PTPRT: variants seen among roughly 807,000 people sequenced by gnomAD.
PTPRT encodes the protein protein tyrosine phosphatase receptor type T, also known as receptor-type tyrosine-protein phosphatase T.
In PTPRT, 56 loss-of-function variants were observed where a neutral mutation model predicts 176.8. The ratio of observed to expected loss-of-function variants is 0.32; its 90% CI spans 0.26 to 0.40. The LOEUF (loss-of-function observed/expected upper bound fraction) is 0.40, where lower values mean the gene tolerates loss of function less well. PTPRT is among the 10% of genes least tolerant of loss of function. PTPRT has a pLI of 1.00. For synonymous variants in PTPRT, 783 were observed against 739.0 expected (o/e 1.06, Z -0.96); for missense variants, 1,540 against 1,908.2 (o/e 0.81, Z 3.60).
chr20:42,451,805 C>T (rs1232661333), intron 8 of PTPRT, among the ~76,000 whole-genome samples: 7 of 152,196 alleles, frequency 4.6e-5, no homozygotes, highest in Admixed American at 2.6e-4. Context: ...GTTGGCATCA[C>T]AAGCCATCCT....
intron 2 of PTPRT, among the ~76,000 whole-genome samples, chr20:42,827,914 A>C (rs1226252486): frequency 6.6e-6 from 1 of 152,222 alleles, no homozygotes; most frequent in African/African-American, 2.4e-5. Flanking sequence ...TTGCTTTATA[A>C]ATTACCCAGT....
chr20:42,737,683 C>T (rs989442452), intron 6 of PTPRT, among the ~76,000 whole-genome samples: 2 of 150,978 alleles, frequency 1.3e-5, no homozygotes, highest in African/African-American at 4.9e-5. Context: ...TCAGAAGGAA[C>T]CAACCCTACT....
rs544835331 is a variant in PTPRT at position 42,654,245 on chromosome 20, A to G, written c.1153+23621T>C. ...CAAGGACATGAAGTTGGTAATTAGCACCCAGGAGGAGAAGGCTGGTAGAAA... is the reference window on the plus strand; with the variant it reads ...CAAGGACATGAAGTTGGTAATTAGCGCCCAGGAGGAGAAGGCTGGTAGAAA... On this transcript the variant is annotated intron_variant, in intron 7 of 30. Coordinates refer to ENST00000373187, the MANE Select transcript of PTPRT (RefSeq NM_007050.6). Among the ~76,000 whole-genome samples the G allele has an allele frequency of 1.1e-3, 167 of 152,300 alleles. 1 individual carries two copies. The highest frequency in any genetic ancestry group is 3.9e-3 in the African/African-American group (163 of 41,558).
At chr20:42,286,215 G>T (rs1363863777) in intron 12 of PTPRT, among the ~76,000 whole-genome samples, 3 of 151,694 alleles carry the variant, frequency 2.0e-5, no homozygotes, top group Non-Finnish European at 4.4e-5. Flanking sequence ...ATTCATTATA[G>T]AAATAGAAAG....
chr20:42,061,006 C>A, the PTPRT span, among the ~76,000 whole-genome samples: 1 of 152,142 alleles, frequency 6.6e-6, no homozygotes, highest in Non-Finnish European at 1.5e-5. Flanking sequence ...TCAGTTTCCC[C>A]AGATTTCAAA....
chr20:42,517,150 A>T (rs2072083006), intron 7 of PTPRT, among the ~76,000 whole-genome samples: 1 of 152,012 alleles, frequency 6.6e-6, no homozygotes, highest in African/African-American at 2.4e-5. Context: ...TGCCTATTAA[A>T]TCATTTGTAC....
At chr20:42,152,173 G>C (rs138807925) in intron 17 of PTPRT, among the ~76,000 whole-genome samples, 4 of 152,334 alleles carry the variant, frequency 2.6e-5, no homozygotes, top group African/African-American at 7.2e-5. Flanking sequence ...TCTTGAGACA[G>C]GTGCACCTTT....
intron 1 of PTPRT, among the ~76,000 whole-genome samples, chr20:43,025,240 G>T (rs1425435524): frequency 6.6e-6 from 1 of 152,168 alleles, no homozygotes; most frequent in Non-Finnish European, 1.5e-5. Context: ...AGTTTTACTT[G>T]GCTTGTGCAC....
At chr20:42,443,939 G>T (rs1307525945) in intron 9 of PTPRT, among the ~76,000 whole-genome samples, 1 of 152,204 alleles carries the variant, frequency 6.6e-6, no homozygotes, top group Non-Finnish European at 1.5e-5. Context: ...TTTCCAGGAT[G>T]CTTGTGTGCC....
chr20:42,582,821 C>A (rs1273493441), intron 7 of PTPRT, among the ~76,000 whole-genome samples: 1 of 152,096 alleles, frequency 6.6e-6, no homozygotes, highest in Non-Finnish European at 1.5e-5. Context: ...TTTCCCAATC[C>A]AAATTTGAGC....
intron 2 of PTPRT, among the ~76,000 whole-genome samples, chr20:42,864,606 T>C (rs2078715275): frequency 1.3e-5 from 2 of 152,174 alleles, no homozygotes; most frequent in African/African-American, 2.4e-5. Flanking sequence ...CCTTGAGCCA[T>C]AGAGAAACTT....
chr20:42,799,868 C>T (rs1000118405), intron 2 of PTPRT, among the ~76,000 whole-genome samples: 4 of 152,136 alleles, frequency 2.6e-5, no homozygotes, highest in Non-Finnish European at 4.4e-5. Context: ...GACTTTACAG[C>T]GACTTTACCT....
At position 42,844,656 on chromosome 20, in the gene PTPRT, G is replaced by A. The variant is rs562092199; in HGVS notation, c.214+41151C>T. On this transcript the variant is annotated intron_variant, in intron 2 of 30. Transcript: ENST00000373187. ...CCCCACATGACAATGGGCTAAGTGGGGCTCTCATGCTTCCCTTCTGACCCC... is the reference window on the plus strand; with the variant it reads ...CCCCACATGACAATGGGCTAAGTGGAGCTCTCATGCTTCCCTTCTGACCCC... 5.3e-5 allele frequency among the ~76,000 whole-genome samples: 8 copies of A among 152,198 alleles called. No homozygotes were observed. In the South Asian group the frequency reaches 1.7e-3, roughly 32 times the overall value.
intron 7 of PTPRT, among the ~76,000 whole-genome samples, chr20:42,624,829 G>A (rs903528434): frequency 2.6e-5 from 4 of 152,090 alleles, no homozygotes; most frequent in Non-Finnish European, 5.9e-5. Context: ...AGGGCTTGAG[G>A]CAGCCTACAA....
rs1371748056 is a variant in PTPRT at position 42,210,634 on chromosome 20, G to T, written c.2343-11246C>A. ...AGGAGAACTACAAACCACTGCTCAAGGAAATAAAAGAGGATACAAACAAAT... is the reference window on the plus strand; with the variant it reads ...AGGAGAACTACAAACCACTGCTCAATGAAATAAAAGAGGATACAAACAAAT... On this transcript the variant is annotated intron_variant, in intron 15 of 30. Transcript: ENST00000373187. 3.5e-4 allele frequency among the ~76,000 whole-genome samples: 52 copies of T among 146,984 alleles called. 1 individual carries two copies. Among genetic ancestry groups the T allele is most frequent in the African/African-American group, 1.1e-3 (43 of 39,940 alleles).
At chr20:42,499,903 G>C (rs2071723305) in intron 7 of PTPRT, among the ~76,000 whole-genome samples, 1 of 152,060 alleles carries the variant, frequency 6.6e-6, no homozygotes, top group Non-Finnish European at 1.5e-5. Context: ...CATTCATTAT[G>C]ATACATGGAG....
intron 1 of PTPRT, among the ~76,000 whole-genome samples, chr20:43,087,198 T>A (rs913563578): frequency 1.3e-5 from 2 of 152,198 alleles, no homozygotes; most frequent in African/African-American, 4.8e-5. Flanking sequence ...AATGGAATCA[T>A]ACAGTCTGTA....
chr20:42,353,698 T>C (rs2058319347), intron 9 of PTPRT, among the ~76,000 whole-genome samples: 1 of 152,240 alleles, frequency 6.6e-6, no homozygotes, highest in South Asian at 2.1e-4. Flanking sequence ...AATTACACAG[T>C]TGTGAAGTGG....
chr20:42,492,089 T>G (rs1414152640), intron 7 of PTPRT, among the ~76,000 whole-genome samples: 1 of 152,184 alleles, frequency 6.6e-6, no homozygotes, highest in East Asian at 1.9e-4. Flanking sequence ...TATTCACTCA[T>G]TTAAGGACAT....
Sources: allele counts gnomAD v4.1 joint callset (sites outside exome capture counted in the v4.1 genomes callset), GRCh38; gene constraint gnomAD v4.1.1; transcripts MANE v1.5; gene names NCBI Gene and HGNC (gene_info 2026-07-23, HGNC 2026-07-21).